ZNF385D: variants seen among roughly 807,000 people sequenced by gnomAD.
ZNF385D encodes the protein zinc finger protein 385D, also known as zinc finger protein 659.
A neutral mutation model predicts 35.8 loss-of-function variants in ZNF385D; 15 were observed. The observed-to-expected ratio is 0.42, with a 90% CI of 0.28 to 0.64. The LOEUF is 0.64. ZNF385D is among the 30% of genes least tolerant of loss of function. The pLI is 0.23. For missense variants in ZNF385D, 474 were observed against 494.6 expected (o/e 0.96, Z 0.39); for synonymous variants, 212 against 186.8 (o/e 1.13, Z -1.10).
chr3:21,466,406 T>A (rs907096905), intron 4 of ZNF385D, among the ~76,000 whole-genome samples: 5 of 152,178 alleles, frequency 3.3e-5, no homozygotes, highest in Non-Finnish European at 7.4e-5. Flanking sequence ...TTTAGCATGG[T>A]TCATTCTTCC....
intron 3 of ZNF385D, among the ~76,000 whole-genome samples, chr3:22,158,183 T>C (rs561680876): frequency 4.4e-4 from 67 of 152,246 alleles, no homozygotes; most frequent in African/African-American, 1.4e-3. Flanking sequence ...GGGTTCTTTA[T>C]TTTCACTATT....
At chr3:22,022,144 A>G (rs975112050) in intron 3 of ZNF385D, among the ~76,000 whole-genome samples, 3 of 152,128 alleles carry the variant, frequency 2.0e-5, no homozygotes, top group Non-Finnish European at 4.4e-5. Context: ...TCTTAACCAT[A>G]AATACATCAC....
chr3:21,488,378 A>C (rs1021848457), intron 4 of ZNF385D, among the ~76,000 whole-genome samples: 3 of 151,866 alleles, frequency 2.0e-5, no homozygotes, highest in Admixed American at 1.3e-4. Context: ...CACTTGGGTA[A>C]AGCCTTCATT....
rs2063859450 is a variant in ZNF385D, at chr3:21,587,953, G to A, written c.166-23269C>T. On this transcript the variant is annotated intron_variant, in intron 2 of 7. Transcript: ENST00000281523. ...TTTTTGAAGGTTTTTAAAAAGGTAG[G>A]TTCTATTATCTCCTTTGGATGCCCA... Among the ~76,000 whole-genome samples the A allele has an allele frequency of 6.6e-5, 10 of 152,234 alleles. No homozygotes were observed. In the South Asian group the frequency reaches 2.1e-3, roughly 32 times the overall value.
intron 2 of ZNF385D, among the ~76,000 whole-genome samples, chr3:22,371,417 G>GTTC (rs4026956): frequency 0.71 from 108,216 of 151,696 alleles, 38,957 homozygotes; most frequent in African/African-American, 0.79. Context: ...AATGTCAGAT[G>GTTC]TTCTCAGTCA....
rs190868905 is a variant in ZNF385D, at chr3:22,048,349, G to A, written c.325+120468C>T. ...ATCAATGCCCAAACCAGTATCATGG[G>A]GCTTTCCTCTAGCAGTTTTATAGAT... On this transcript the variant is annotated intron_variant, in intron 3 of 5. Transcript: ENST00000494108. Among the ~76,000 whole-genome samples the A allele has an allele frequency of 1.5e-3, 230 of 152,104 alleles. 2 individuals are homozygous for A. The highest frequency in any genetic ancestry group is 5.0e-3 in the African/African-American group (207 of 41,484).
At chr3:22,008,372 T>TTTTTTTTTTTTTTA (rs1696352106) in intron 3 of ZNF385D, among the ~76,000 whole-genome samples, 3 of 150,560 alleles carry the variant, frequency 2.0e-5, no homozygotes, top group East Asian at 1.9e-4. Flanking sequence ...TTTTTTTTTT[T>TTTTTTTTTTTTTTA]GAGGCGGAGT....
At chr3:21,908,354 T>C (rs571846159) in intron 3 of ZNF385D, among the ~76,000 whole-genome samples, 2 of 152,096 alleles carry the variant, frequency 1.3e-5, no homozygotes, top group Non-Finnish European at 2.9e-5. Context: ...GAGGAACAGA[T>C]AGATACCTTT....
intron 2 of ZNF385D, among the ~76,000 whole-genome samples, chr3:22,195,629 A>T (rs1450426394): frequency 6.6e-6 from 1 of 152,006 alleles, no homozygotes; most frequent in Non-Finnish European, 1.5e-5. Flanking sequence ...AATTTTCAAA[A>T]ATGACTATAC....
chr3:21,912,230 G>T (rs1239912653), intron 3 of ZNF385D, among the ~76,000 whole-genome samples: 1 of 151,748 alleles, frequency 6.6e-6, no homozygotes, highest in Non-Finnish European at 1.5e-5. Context: ...CCCTAAACTC[G>T]TTAAAATGGG....
chr3:21,435,178 C>T (rs145240279), intron 5 of ZNF385D, among the ~76,000 whole-genome samples: 301 of 151,808 alleles, frequency 2.0e-3, no homozygotes, highest in African/African-American at 6.8e-3. Flanking sequence ...AAAAATGTTG[C>T]CCTAATTTGA....
chr3:21,543,867 A>G (rs962592217), intron 3 of ZNF385D, among the ~76,000 whole-genome samples: 3 of 152,176 alleles, frequency 2.0e-5, no homozygotes, highest in South Asian at 4.1e-4. Flanking sequence ...TCCTGAGGGC[A>G]TGGCTTGTAA....
chr3:21,692,787 C>G (rs115025400), intron 1 of ZNF385D, among the ~76,000 whole-genome samples: 1 of 152,114 alleles, frequency 6.6e-6, no homozygotes, highest in Non-Finnish European at 1.5e-5. Context: ...CAGAAGTTGC[C>G]TTTGTGAAGT....
intron 3 of ZNF385D, among the ~76,000 whole-genome samples, chr3:21,831,761 G>A (rs938225201): frequency 6.6e-6 from 1 of 151,978 alleles, no homozygotes; most frequent in African/African-American, 2.4e-5. Context: ...AGTTGACTGG[G>A]GCCAGACAAC....
At chr3:21,752,180 G>T (rs962767817), upstream of ZNF385D, among the ~76,000 whole-genome samples, 1 of 152,112 alleles carries the variant, frequency 6.6e-6, no homozygotes, top group East Asian at 1.9e-4. Flanking sequence ...AAGCTGTGCT[G>T]ATTAATACTT....
rs537721862 is a variant in ZNF385D at position 21,494,590 on chromosome 3, C to T, written c.439+16271G>A. On this transcript the variant is annotated intron_variant, in intron 4 of 7. Coordinates refer to ENST00000281523, the MANE Select transcript of ZNF385D (RefSeq NM_024697.3). ...ACTCAAACTCTAGCTCCACTTCTTA[C>T]GGATTTTTTATCTTGGTCAATTTTC... Among the ~76,000 whole-genome samples, 77 of 152,252 alleles carry T rather than the reference C, an allele frequency of 5.1e-4. 3 individuals carry two copies. The South Asian group carries it at 0.013, about 26-fold the overall frequency.
intron 2 of ZNF385D, among the ~76,000 whole-genome samples, chr3:22,278,072 C>CT (rs1325357536): frequency 1.3e-5 from 2 of 152,044 alleles, no homozygotes; most frequent in East Asian, 3.9e-4. Context: ...TTGTAATAAT[C>CT]TGCTTTAATG....
At chr3:21,882,475 CA>C (rs1698331211) in intron 3 of ZNF385D, among the ~76,000 whole-genome samples, 1 of 151,936 alleles carries the variant, frequency 6.6e-6, no homozygotes, top group Admixed American at 6.6e-5. Flanking sequence ...GACTATAGTA[CA>C]GTATAAACAT....
chr3:22,094,079 G>C (rs778861132), intron 3 of ZNF385D, among the ~76,000 whole-genome samples: 16 of 152,006 alleles, frequency 1.1e-4, no homozygotes, highest in African/African-American at 3.9e-4. Flanking sequence ...TTAATAAAAG[G>C]CTATTGCTGT....
Sources: gnomAD v4.1 joint callset for allele counts (sites outside exome capture counted in the v4.1 genomes callset) on GRCh38, gnomAD v4.1.1 for gene constraint, MANE v1.5 for transcripts, NCBI Gene and HGNC (gene_info 2026-07-23, HGNC 2026-07-21) for gene names.